The following BCAR3 variants were observed in gnomAD, a reference collection of about 807,000 sequenced individuals.
BCAR3 encodes the protein BCAR3 adaptor protein, NSP family member.
A neutral mutation model predicts 80.1 loss-of-function variants in BCAR3; 37 were observed. That is an observed-to-expected ratio of 0.46 (90% confidence interval 0.36 to 0.61). The LOEUF (loss-of-function observed/expected upper bound fraction) is 0.61, where lower values mean the gene tolerates loss of function less well. BCAR3 is among the 20% of genes least tolerant of loss of function. The probability of loss-of-function intolerance (pLI) is 0.00; values close to 1 mark genes in which losing one functional copy is unlikely to be tolerated. For missense variants in BCAR3, 978 were observed against 1,068.2 expected (o/e 0.92, Z 1.18); for synonymous variants, 389 against 418.9 (o/e 0.93, Z 0.87).
At chr1:93,687,983 A>G (rs1289694077) in intron 3 of BCAR3, among the ~76,000 whole-genome samples, 1 of 152,214 alleles carries the variant, frequency 6.6e-6, no homozygotes, top group African/African-American at 2.4e-5. Context: ...AAGTTAATAT[A>G]TCATAACTAC....
chr1:93,841,001 T>C (rs1654941999), intron 2 of BCAR3, among the ~76,000 whole-genome samples: 1 of 152,162 alleles, frequency 6.6e-6, no homozygotes, highest in Non-Finnish European at 1.5e-5. Context: ...ATGCTTATTG[T>C]CTGGGAGAAG....
intron 2 of BCAR3, among the ~76,000 whole-genome samples, chr1:93,672,095 T>C (rs1220429480): frequency 6.6e-5 from 10 of 152,220 alleles, no homozygotes; most frequent in Non-Finnish European, 1.5e-5. Context: ...CTCTCAATCA[T>C]AAACAAACCC....
intron 2 of BCAR3, among the ~76,000 whole-genome samples, chr1:93,717,719 CAAAAA>C (rs1230098499): frequency 5.2e-5 from 3 of 57,564 alleles, no homozygotes; most frequent in Admixed American, 2.0e-4. Context: ...GACTCCACCT[CAAAAA>C]AAAAAAAAAA....
chr1:93,616,822 C>G (rs2101885390), intron 3 of BCAR3, among the ~76,000 whole-genome samples: 1 of 152,316 alleles, frequency 6.6e-6, no homozygotes, highest in Non-Finnish European at 1.5e-5. Context: ...AGTCAGGCAG[C>G]TCTGAGCTCT....
At chr1:93,609,545 T>C (rs1354047102) in intron 3 of BCAR3, among the ~76,000 whole-genome samples, 3 of 152,154 alleles carry the variant, frequency 2.0e-5, no homozygotes, top group Admixed American at 2.0e-4. Flanking sequence ...AGCTCCTTTG[T>C]CCCCTGTCCA....
At chr1:93,706,757 T>A (rs1051597138) in intron 2 of BCAR3, among the ~76,000 whole-genome samples, 4 of 152,214 alleles carry the variant, frequency 2.6e-5, no homozygotes, top group Admixed American at 6.5e-5. Context: ...TAAATAAAAG[T>A]CCAATAATGG....
At chr1:93,634,014 C>A (rs1740068) in intron 3 of BCAR3, among the ~76,000 whole-genome samples, 7,003 of 152,270 alleles carry the variant, frequency 0.046, 250 homozygotes, top group East Asian at 0.12. Context: ...GCACTGACAG[C>A]CAACCCCAGT....
In BCAR3 at chr1:93,576,001, C is replaced by T. The variant is rs376588508; in HGVS notation, c.1802+13G>A. ...CTGGGAGGGTCGGAAGTGCAGAGGA[C>T]GGCACTGCTCACCTTTCAATTATGT... On this transcript the variant is annotated intron_variant, in intron 8 of 11. Transcript: ENST00000260502. The T allele has an allele frequency of 3.5e-5, 57 of 1,609,390 alleles. No individual in the cohort carries two copies. Among genetic ancestry groups the T allele is most frequent in the African/African-American group, 3.2e-4 (24 of 74,884 alleles).
At chr1:93,752,138 G>T (rs1348647384) in intron 2 of BCAR3, among the ~76,000 whole-genome samples, 2 of 152,246 alleles carry the variant, frequency 1.3e-5, no homozygotes, top group African/African-American at 4.8e-5. Flanking sequence ...AGGCAGGCAT[G>T]AAAGAAGCTG....
At chr1:93,708,246 G>A (rs534265189) in intron 2 of BCAR3, among the ~76,000 whole-genome samples, 1 of 152,278 alleles carries the variant, frequency 6.6e-6, no homozygotes, top group Admixed American at 6.5e-5. Context: ...TCTGACACCA[G>A]GCCACTTCTC....
chr1:93,764,983 G>A (rs1652095751), intron 2 of BCAR3, among the ~76,000 whole-genome samples: 1 of 152,100 alleles, frequency 6.6e-6, no homozygotes, highest in African/African-American at 2.4e-5. Context: ...TCGCTCTTAC[G>A]CCAGGCAGCC....
intron 3 of BCAR3, among the ~76,000 whole-genome samples, chr1:93,621,872 T>C (rs1675326144): frequency 6.6e-6 from 1 of 152,084 alleles, no homozygotes; most frequent in Non-Finnish European, 1.5e-5. Flanking sequence ...GTTTTGTTTT[T>C]GTTTTTGTTT....
chr1:93,573,517 G>T (rs924576054), intron 8 of BCAR3, among the ~76,000 whole-genome samples: 1 of 151,190 alleles, frequency 6.6e-6, no homozygotes, highest in Non-Finnish European at 1.5e-5. Flanking sequence ...TTCCCTCTTT[G>T]TCTCCATCTC....
chr1:93,630,741 T>C (rs1675594161), intron 3 of BCAR3, among the ~76,000 whole-genome samples: 1 of 152,232 alleles, frequency 6.6e-6, no homozygotes, highest in South Asian at 2.1e-4. Context: ...AAGGCTGTTC[T>C]GAGGCAGTGA....
intron 2 of BCAR3, among the ~76,000 whole-genome samples, chr1:93,669,951 G>A (rs1329253010): frequency 1.3e-5 from 2 of 152,144 alleles, no homozygotes; most frequent in African/African-American, 4.8e-5. Context: ...AGTGGGAGGG[G>A]AGCGAGGGAT....
At chr1:93,829,763 T>C (rs998699119) in intron 2 of BCAR3, among the ~76,000 whole-genome samples, 1 of 152,216 alleles carries the variant, frequency 6.6e-6, no homozygotes. Flanking sequence ...CACACATTTC[T>C]ACCCCTACAA....
intron 3 of BCAR3, among the ~76,000 whole-genome samples, chr1:93,616,939 G>A (rs1675146547): frequency 6.6e-6 from 1 of 152,214 alleles, no homozygotes; most frequent in Non-Finnish European, 1.5e-5. Flanking sequence ...GCCATGGCTG[G>A]GAAGCCAGGT....
At chr1:93,649,047 A>C (rs1676237489) in intron 2 of BCAR3, among the ~76,000 whole-genome samples, 1 of 152,242 alleles carries the variant, frequency 6.6e-6, no homozygotes, top group East Asian at 1.9e-4. Context: ...GAGAAGAAAA[A>C]TTAAGATGCA....
At chr1:93,691,702 G>C (rs1026232081) in intron 3 of BCAR3, among the ~76,000 whole-genome samples, 1 of 151,958 alleles carries the variant, frequency 6.6e-6, no homozygotes, top group South Asian at 2.1e-4. Context: ...GTGAGGCTCT[G>C]ACCAGCAGCC....
Sources: gnomAD v4.1 joint callset for allele counts (sites outside exome capture counted in the v4.1 genomes callset) on GRCh38, gnomAD v4.1.1 for gene constraint, MANE v1.5 for transcripts, NCBI Gene and HGNC (gene_info 2026-07-23, HGNC 2026-07-21) for gene names.